The following NF1 variants were observed in gnomAD, a reference collection of about 807,000 sequenced individuals.
NF1 encodes neurofibromin.
A neutral mutation model predicts 325.7 loss-of-function variants in NF1; 122 were observed. The ratio of observed to expected loss-of-function variants is 0.37; its 90% CI spans 0.32 to 0.44. The LOEUF (loss-of-function observed/expected upper bound fraction) is 0.44, where lower values mean the gene tolerates loss of function less well. Among genes scored for constraint, NF1 ranks in the 20% least tolerant of loss-of-function variants. NF1 has a pLI of 1.00. For missense variants in NF1, 2,140 were observed against 3,415.4 expected (o/e 0.63, Z 9.31); for synonymous variants, 1,091 against 1,186.0 (o/e 0.92, Z 1.65).
At chr17:31,281,407 A>G (rs973972844) in intron 36 of NF1, among the ~76,000 whole-genome samples, 4 of 117,838 alleles carry the variant, frequency 3.4e-5, no homozygotes, top group African/African-American at 5.5e-5. Context: ...TATCTCCACT[A>G]TAATGCTAGA....
chr17:31,132,062 C>A (rs915376282), intron 1 of NF1, among the ~76,000 whole-genome samples: 3 of 152,070 alleles, frequency 2.0e-5, no homozygotes, highest in Non-Finnish European at 4.4e-5. Context: ...TCTCAAGTAG[C>A]TGGGACTACA....
chr17:31,221,918 T>C lies in NF1; in HGVS notation c.1710T>C (p.Phe570=), dbSNP rs1462741584. 3.1e-6 allele frequency: 5 copies of C among 1,605,424 alleles called. No individual in the cohort carries two copies. Among genetic ancestry groups the C allele is most frequent in the Non-Finnish European group, 4.2e-6 (5 of 1,178,448 alleles). ...ATCCTGATGCTCCTGTAGAAACATT[T>C]TGGGAGATTAGGTATATGTACTTTT... The part of the protein sequence containing the change: ...LWNPDAPVET[F]WEISSQMLFY... The change falls in exon 15 of 58, where the codon TTT becomes TTC. Residue 570 remains phenylalanine (F), a synonymous_variant. Transcript: ENST00000358273.
rs771529172 is a variant in NF1, at chr17:31,327,719, G to A, written c.5489G>A (p.Arg1830His). ...CAGTCTATCATTCATATCCGGACCC[G>A]CTGGGAACTGTCACAGCCCGACTCT... ...IVQSIIHIRT[R>H]WELSQPDSIP... is the part of the protein sequence containing the mutation. The change falls in exon 38 of 58, where the codon CGC becomes CAC. Residue 1830 changes from arginine to histidine, a missense_variant. By Grantham distance (29) the Arg-to-His change is conservative. This residue lies in a region of NF1 where 147 missense variants were observed against 186.7 expected (regional missense o/e 0.79). Transcript: ENST00000358273. 6 of 1,614,090 alleles carry A rather than the reference G, an allele frequency of 3.7e-6. No individual in the cohort carries two copies. Among genetic ancestry groups the A allele is most frequent in the African/African-American group, 1.3e-5 (1 of 75,002 alleles).
intron 29 of NF1, among the ~76,000 whole-genome samples, chr17:31,238,042 TATA>T (rs2067232815): frequency 2.0e-5 from 1 of 51,200 alleles, no homozygotes; most frequent in African/African-American, 6.1e-4. Context: ...CAGGTAAATG[TATA>T]CAGAGAATCA....
At chr17:31,278,454 TGAG>T (rs2068052221) in intron 36 of NF1, among the ~76,000 whole-genome samples, 1 of 143,828 alleles carries the variant, frequency 7.0e-6, no homozygotes, top group Non-Finnish European at 1.5e-5. Context: ...GATCTTTTCT[TGAG>T]TGATATTTGC....
chr17:31,200,300 A>G (rs896402594), intron 8 of NF1, 122 bp from the exon 9 acceptor site: 4 of 822,144 alleles, frequency 4.9e-6, no homozygotes, highest in Non-Finnish European at 7.7e-6. Flanking sequence ...AAAACCACAA[A>G]TATAAATTAT....
chr17:31,159,611 A>G (rs145457964), intron 3 of NF1, among the ~76,000 whole-genome samples: 147 of 152,328 alleles, frequency 9.7e-4, no homozygotes, highest in South Asian at 8.5e-3. Context: ...GGAGAGTACC[A>G]AACAATTATT....
chr17:31,174,366 AG>A (rs2065982704), intron 5 of NF1, among the ~76,000 whole-genome samples: 1 of 152,210 alleles, frequency 6.6e-6, no homozygotes, highest in Non-Finnish European at 1.5e-5. Context: ...GCTTGGTGAT[AG>A]CAGCATTTGG....
chr17:31,275,486 TTTA>T (rs1471865494), intron 36 of NF1, among the ~76,000 whole-genome samples: 1 of 152,208 alleles, frequency 6.6e-6, no homozygotes, highest in African/African-American at 2.4e-5. Flanking sequence ...TAACTTCTAT[TTTA>T]TTATTGTTTT....
chr17:31,206,768 A>C (rs2066631967), intron 12 of NF1, among the ~76,000 whole-genome samples: 2 of 152,170 alleles, frequency 1.3e-5, no homozygotes, highest in South Asian at 4.1e-4. Context: ...TGCACATTTT[A>C]GCTAATTGAA....
chr17:31,359,147 T>C, intron 56 of NF1, 132 bp downstream of exon 56: 2 of 783,396 alleles, frequency 2.6e-6, no homozygotes, highest in South Asian at 3.3e-5. Flanking sequence ...ATGTTACTTT[T>C]ATAAAAAGTT....
intron 29 of NF1, among the ~76,000 whole-genome samples, chr17:31,245,898 C>A (rs962404363): frequency 2.6e-5 from 4 of 152,162 alleles, no homozygotes; most frequent in African/African-American, 9.6e-5. Flanking sequence ...AAAGTCTCAA[C>A]CCTCTAATCG....
intron 29 of NF1, among the ~76,000 whole-genome samples, chr17:31,241,703 C>T (rs971223901): frequency 6.6e-6 from 1 of 152,154 alleles, no homozygotes; most frequent in Non-Finnish European, 1.5e-5. Context: ...TTTATGTATA[C>T]CTTATTATAC....
chr17:31,229,559 C>T (rs2067076827), intron 21 of NF1, 94 bp downstream of exon 21: 1 of 1,453,752 alleles, frequency 6.9e-7, no homozygotes, highest in Non-Finnish European at 9.5e-7. Context: ...ATTAGGTACT[C>T]ACAGTTTTTA....
At chr17:31,150,531 C>T (rs1036258042) in intron 1 of NF1, among the ~76,000 whole-genome samples, 2 of 152,050 alleles carry the variant, frequency 1.3e-5, no homozygotes, top group Admixed American at 6.5e-5. Context: ...CTAGAAACCT[C>T]CTTTCCTCAT....
In NF1 at chr17:31,374,288, C is replaced by A. The variant is rs2070700731; in HGVS notation, c.*133C>A. Reference sequence around the variant, plus strand: ...TTTATAATGAACCCATCCGGTTTGCCATGTTGCCAGATGATCAACTCTTCG... The same window carrying A: ...TTTATAATGAACCCATCCGGTTTGCAATGTTGCCAGATGATCAACTCTTCG... On this transcript the variant is annotated 3_prime_UTR_variant, in exon 58 of 58. Coordinates refer to ENST00000358273, the MANE Select transcript of NF1 (RefSeq NM_001042492.3). 1.7e-6 allele frequency: 2 copies of A among 1,206,476 alleles called. No homozygotes were observed. Among genetic ancestry groups the A allele is most frequent in the Admixed American group, 3.7e-5 (2 of 53,474 alleles). The allele number at this position is 1,206,476 out of a possible 1,614,324, so 74.7% of individuals were successfully genotyped here. A position where few individuals can be genotyped will look rare whatever the true frequency, so the allele number is the denominator to read the frequency against.
chr17:31,373,931 G>A (rs765722264), intron 57 of NF1, 82 bp from the exon 58 acceptor site: 134 of 1,546,174 alleles, frequency 8.7e-5, no homozygotes, highest in Admixed American at 1.2e-4. Context: ...ATGTGTCCCC[G>A]TTGTTAAGCG....
intron 36 of NF1, chr17:31,319,058 A>G (rs777977465): frequency 1.3e-6 from 2 of 1,541,564 alleles, no homozygotes; most frequent in South Asian, 2.5e-5. Context: ...TTAGTTTGTG[A>G]AAGAATAATG....
At chr17:31,279,847 GGTATAATACT>G (rs1216512371) in intron 36 of NF1, among the ~76,000 whole-genome samples, 1 of 152,108 alleles carries the variant, frequency 6.6e-6, no homozygotes, top group Admixed American at 6.5e-5. Context: ...TCTTCCTAAT[GGTATAATACT>G]GTAAGTCTGT....
Sources: gnomAD v4.1 joint callset for allele counts (sites outside exome capture counted in the v4.1 genomes callset) on GRCh38, gnomAD v4.1.1 for gene constraint, gnomAD v4.1.1 regional missense constraint, MANE v1.5 for transcripts, NCBI Gene and HGNC (gene_info 2026-07-23, HGNC 2026-07-21) for gene names.